The following SS18 variants were observed in gnomAD, a reference collection of about 807,000 sequenced individuals.
SS18 encodes the protein SS18 subunit of BAF chromatin remodeling complex, also known as protein SSXT.
Under a neutral mutation model 72.5 loss-of-function variants are expected in SS18, and 28 were observed. The ratio of observed to expected loss-of-function variants is 0.39; its 90% confidence interval spans 0.29 to 0.53. The LOEUF is 0.53. Ranked by LOEUF, SS18 falls within the 20% of genes least tolerant of loss-of-function variation. SS18 has a pLI of 0.76. For missense variants in SS18, 518 were observed against 535.3 expected (o/e 0.97, Z 0.32); for synonymous variants, 172 against 164.2 (o/e 1.05, Z -0.37).
intron 3 of SS18, among the ~76,000 whole-genome samples, chr18:26,071,310 T>G (rs571274546): frequency 2.0e-5 from 3 of 151,804 alleles, no homozygotes; most frequent in Non-Finnish European, 4.4e-5. Context: ...AAAAATAAAT[T>G]TAAGAAAACA....
intron 3 of SS18, chr18:26,068,255 G>C (rs1010816528): frequency 6.6e-6 from 1 of 152,116 alleles, no homozygotes; most frequent in Non-Finnish European, 1.5e-5. Context: ...TGAGAATATA[G>C]ATGCTTTCTT....
In SS18 at chr18:26,035,122, A is replaced by G; in HGVS notation, c.979T>C (p.Ser327Pro). 2 of 1,612,792 alleles carry G rather than the reference A, an allele frequency of 1.2e-6. No homozygotes were observed. Among genetic ancestry groups the G allele is most frequent in the Non-Finnish European group, 1.7e-6 (2 of 1,179,348 alleles). The change falls in exon 9 of 11, where the codon TCA becomes CCA. Residue 327 changes from serine (S) to proline (P), a missense_variant. Transcript: ENST00000415083. This position sits in a 1 kb window ranked among gnomAD's most constrained non-coding sequence, Gnocchi z 4.4. ...GCATCTTGCTGTTGGCCATACTGTGAATTTCCTACAGGATAATTGGAGAAG... is the reference window on the plus strand; with the variant it reads ...GCATCTTGCTGTTGGCCATACTGTGGATTTCCTACAGGATAATTGGAGAAG... ...SSQHYYEGGN[S>P]QYGQQQDAYQ... is the part of the protein sequence containing the mutation.
chr18:26,078,653 A>G (rs1044950378), intron 2 of SS18, among the ~76,000 whole-genome samples: 3 of 152,192 alleles, frequency 2.0e-5, no homozygotes, highest in Non-Finnish European at 2.9e-5. Context: ...TAGGAGCCCA[A>G]GGTGGGCAGA....
intron 3 of SS18, among the ~76,000 whole-genome samples, chr18:26,063,693 T>C (rs1351046758): frequency 6.6e-6 from 1 of 152,192 alleles, no homozygotes; most frequent in African/African-American, 2.4e-5. Context: ...AATGCATATT[T>C]ACAAGAAGGA....
chr18:26,079,923 AAAC>A (rs1206488788), intron 2 of SS18, among the ~76,000 whole-genome samples: 1 of 151,752 alleles, frequency 6.6e-6, no homozygotes, highest in Non-Finnish European at 1.5e-5. Context: ...CTCCTGTTAC[AAAC>A]AACAGGTTTC....
chr18:26,027,064 A>AC (rs2053458187), intron 10 of SS18, among the ~76,000 whole-genome samples: 2 of 152,190 alleles, frequency 1.3e-5, no homozygotes, highest in Admixed American at 1.3e-4. Flanking sequence ...AACTCCTAGT[A>AC]AGCTTTTACG....
At position 26,030,363 on chromosome 18, in the gene SS18, C is replaced by T. The variant is rs919880367; in HGVS notation, c.1230+2036G>A. On this transcript the variant is annotated intron_variant, in intron 10 of 10. Transcript: ENST00000415083. ...ACTTCACACTTATATATAATATTTC[C>T]GAAGGAATATTTCTCAAGATCTGAG... is the stretch of plus-strand genomic sequence containing the variant. 7.2e-4 allele frequency among the ~76,000 whole-genome samples: 109 copies of T among 152,234 alleles called. 1 individual carries two copies. Among genetic ancestry groups the T allele is most frequent in the African/African-American group, 2.3e-3 (96 of 41,536 alleles).
rs376074950 is a variant in SS18, at chr18:26,057,583, A to G, written c.385+6T>C. ...GGTGTTAATGTCTTAGAGGAGAAAA[A>G]CTTACCAGGCATCTGGCCGTTCATC... On this transcript the variant is annotated splice_donor_region_variant and intron_variant, in intron 4 of 10. Coordinates refer to ENST00000415083, the MANE Select transcript of SS18 (RefSeq NM_001007559.3). The G allele has an allele frequency of 3.7e-6, 6 of 1,613,898 alleles. No individual in the cohort carries two copies. Among genetic ancestry groups the G allele is most frequent in the Non-Finnish European group, 5.1e-6 (6 of 1,180,006 alleles).
rs968333189 is a variant in SS18, at chr18:26,044,481, G to A, written c.608-5025C>T. Reference sequence around the variant, plus strand: ...TGAGACTGCAGTTGCACACCACCACGTCCGGCTAATTTTTGTATTTTTAGT... The same window carrying A: ...TGAGACTGCAGTTGCACACCACCACATCCGGCTAATTTTTGTATTTTTAGT... On this transcript the variant is annotated intron_variant, in intron 5 of 10. Transcript: ENST00000415083. Among the ~76,000 whole-genome samples the A allele has an allele frequency of 4.0e-5, 6 of 151,460 alleles. No individual in the cohort carries two copies. In the East Asian group the frequency reaches 5.8e-4, roughly 15 times the overall value.
Position 26,035,073 on chromosome 18 carries a change from T to A in SS18, c.1028A>T (p.Gln343Leu). The A allele has an allele frequency of 6.2e-7, 1 of 1,613,620 alleles. No homozygotes were observed. The highest frequency in any genetic ancestry group is 8.5e-7 in the Non-Finnish European group (1 of 1,179,692). ...QDAYQGPPPQ[Q>L]GYPPQQQQYP... ...CTGCTGCTGCTGGGGTGGATATCCCTGTTGTGGAGGTGGTCCCTGGTATGC... is the reference window on the plus strand; with the variant it reads ...CTGCTGCTGCTGGGGTGGATATCCCAGTTGTGGAGGTGGTCCCTGGTATGC... Residue 343 changes from glutamine to leucine, a missense_variant, in exon 9 of 11, where the codon CAG (glutamine) becomes CTG (leucine). By Grantham distance (113) the Gln-to-Leu change is moderately radical (BLOSUM62 -2). Coordinates refer to ENST00000415083, the MANE Select transcript of SS18 (RefSeq NM_001007559.3). The surrounding 1 kb of genome is among the most constrained non-coding windows in gnomAD (Gnocchi z 4.4).
rs996575365 is a variant in SS18 at position 26,058,638 on chromosome 18, T to C, written c.232-896A>G. On this transcript the variant is annotated intron_variant, in intron 3 of 10. Coordinates refer to ENST00000415083, the MANE Select transcript of SS18 (RefSeq NM_001007559.3). ...TCCATTTTGTGAACACAATTCTCTT[T>C]GGCACACTTAATAGATACACATTGT... 5.3e-5 allele frequency among the ~76,000 whole-genome samples: 8 copies of C among 152,256 alleles called. No homozygotes were observed. In the East Asian group the frequency reaches 9.6e-4, roughly 18 times the overall value.
In SS18 at chr18:26,017,790, C is replaced by T. The variant is rs1413978632; in HGVS notation, c.*564G>A. On this transcript the variant is annotated 3_prime_UTR_variant, in exon 11 of 11. Transcript: ENST00000415083. ...CATATGGTGTGCTTTGTCTTCCCCT[C>T]ACCTTTATCTTTATAGCACACCATT... 4.4e-6 allele frequency: 1 copy of T among 225,000 alleles called. No homozygotes were observed. Among genetic ancestry groups the T allele is most frequent in the Admixed American group, 5.7e-5 (1 of 17,464 alleles). 13.9% of individuals were successfully genotyped at this position (225,000 alleles called of 1,614,324 possible). A position where few individuals can be genotyped will look rare whatever the true frequency, so the allele number is the denominator to read the frequency against.
intron 5 of SS18, among the ~76,000 whole-genome samples, chr18:26,047,645 T>C (rs1015260446): frequency 6.6e-6 from 1 of 151,754 alleles, no homozygotes; most frequent in Non-Finnish European, 1.5e-5. Flanking sequence ...ATTGAGACCA[T>C]CCTGGCTAAC....
intron 3 of SS18, among the ~76,000 whole-genome samples, chr18:26,061,562 C>T (rs111697622): frequency 0.015 from 2,342 of 151,990 alleles, 67 homozygotes; most frequent in African/African-American, 0.054. Context: ...TAAGACATAT[C>T]ACCTGGAAGG....
chr18:26,085,375 G>T (rs2054598857), intron 2 of SS18, among the ~76,000 whole-genome samples: 1 of 152,090 alleles, frequency 6.6e-6, no homozygotes, highest in South Asian at 2.1e-4. Context: ...TCAGCAACTG[G>T]ATATGCAAAA....
chr18:26,068,499 A>T (rs1310264014), intron 3 of SS18: 1 of 152,240 alleles, frequency 6.6e-6, no homozygotes, highest in Non-Finnish European at 1.5e-5. Context: ...ACAACCTGCT[A>T]ATCTTCAAAA....
rs2053266021 is a variant in SS18 at position 26,017,275 on chromosome 18, A to C, written c.*1079T>G. On this transcript the variant is annotated 3_prime_UTR_variant, in exon 11 of 11. Transcript: ENST00000415083. ...CCAACATAAAAAAGGGAAAAACATA[A>C]AAGTGTCCCTTTATAAATGATATTA... 5.1e-6 allele frequency: 1 copy of C among 196,058 alleles called. No homozygotes were observed. The highest frequency in any genetic ancestry group is 1.1e-5 in the Non-Finnish European group (1 of 94,356). 12.1% of individuals were successfully genotyped at this position (196,058 alleles called of 1,614,324 possible).
chr18:26,060,238 C>CTACA (rs1180106768), intron 3 of SS18, among the ~76,000 whole-genome samples: 1 of 152,156 alleles, frequency 6.6e-6, no homozygotes, highest in African/African-American at 2.4e-5. Context: ...CTTATACATG[C>CTACA]TACAACATGG....
chr18:26,051,340 T>C (rs1407540629), intron 5 of SS18, among the ~76,000 whole-genome samples: 1 of 152,190 alleles, frequency 6.6e-6, no homozygotes, highest in Admixed American at 6.5e-5. Context: ...AACAAAAAAT[T>C]TCTAAAAACA....
Sources: allele counts gnomAD v4.1 joint callset (sites outside exome capture counted in the v4.1 genomes callset), GRCh38; gene constraint gnomAD v4.1.1; non-coding constraint Gnocchi (gnomAD v3.1); transcripts MANE v1.5; gene names NCBI Gene and HGNC (gene_info 2026-07-23, HGNC 2026-07-21).